LMLN: variants seen among roughly 807,000 people sequenced by gnomAD.
LMLN encodes leishmanolysin like peptidase, also known as leishmanolysin-like peptidase.
LMLN carries 70 observed loss-of-function variants against 92.3 expected under a neutral mutation model. The observed-to-expected ratio is 0.76, with a 90% CI of 0.63 to 0.92. LMLN has a LOEUF of 0.92. Among genes scored for constraint, LMLN ranks in the 40% least tolerant of loss-of-function variants. The pLI, the probability that LMLN is intolerant of heterozygous loss-of-function variation, is 0.00. For synonymous variants in LMLN, 308 were observed against 296.2 expected, an observed-to-expected ratio of 1.04 and a Z score of -0.41; for missense variants, 691 against 814.6, an observed-to-expected ratio of 0.85 and a Z score of 1.85.
chr3:197,986,101 A>C (rs1201969875), intron 8 of LMLN, among the ~76,000 whole-genome samples: 1 of 152,206 alleles, frequency 6.6e-6, no homozygotes, highest in Non-Finnish European at 1.5e-5. Context: ...AGATACCCAC[A>C]CACAAGAACC....
intron 10 of LMLN, among the ~76,000 whole-genome samples, chr3:197,997,754 C>T (rs1380667060): frequency 1.3e-5 from 2 of 152,222 alleles, no homozygotes; most frequent in Non-Finnish European, 2.9e-5. Flanking sequence ...TTATGAATTT[C>T]ACATGAGTTC....
chr3:198,027,899 A>G (rs931802327), intron 14 of LMLN, among the ~76,000 whole-genome samples: 4 of 152,094 alleles, frequency 2.6e-5, no homozygotes, highest in African/African-American at 9.7e-5. Flanking sequence ...TGGCAATTCT[A>G]TGTTTAGCTT....
chr3:198,030,616 T>TG (rs1367070250), intron 14 of LMLN, among the ~76,000 whole-genome samples: 1 of 152,232 alleles, frequency 6.6e-6, no homozygotes, highest in Non-Finnish European at 1.5e-5. Flanking sequence ...ATAATCCTTA[T>TG]GTTGGCAGCA....
At chr3:198,000,941 A>G (rs1345614069) in intron 11 of LMLN, among the ~76,000 whole-genome samples, 1 of 151,756 alleles carries the variant, frequency 6.6e-6, no homozygotes, top group African/African-American at 2.4e-5. Flanking sequence ...TTTAGTTTTT[A>G]GTTTTTAAAG....
chr3:198,008,000 A>AT (rs1030819133), intron 11 of LMLN, among the ~76,000 whole-genome samples: 5 of 152,074 alleles, frequency 3.3e-5, no homozygotes, highest in Admixed American at 1.3e-4. Flanking sequence ...TAATCAAGTG[A>AT]TTTTTTTCGC....
chr3:198,030,282 T>A (rs1402713065), intron 14 of LMLN, among the ~76,000 whole-genome samples: 1 of 152,248 alleles, frequency 6.6e-6, no homozygotes, highest in African/African-American at 2.4e-5. Context: ...TTCCCCATCG[T>A]ACACTTCTTG....
At chr3:197,975,251 G>T (rs1721337309) in intron 3 of LMLN, among the ~76,000 whole-genome samples, 179 bp downstream of exon 3, 2 of 152,134 alleles carry the variant, frequency 1.3e-5, no homozygotes, top group Non-Finnish European at 2.9e-5. Flanking sequence ...AAACTTTGTT[G>T]GTATTGGGCA....
At chr3:197,975,896 A>T (rs1205868366) in intron 3 of LMLN, 133 bp from the exon 4 acceptor site, 1 of 577,398 alleles carries the variant, frequency 1.7e-6, no homozygotes, top group East Asian at 3.0e-5. Context: ...TTGCCATACA[A>T]CCTTGACTAA....
At chr3:198,000,918 AT>A (rs11308966) in intron 11 of LMLN, among the ~76,000 whole-genome samples, 31,641 of 151,358 alleles carry the variant, frequency 0.21, 5,361 homozygotes, top group African/African-American at 0.47. Context: ...TATTTTTATT[AT>A]TTTTTTTTAT....
At chr3:198,021,103 G>T (rs559339352) in intron 12 of LMLN, among the ~76,000 whole-genome samples, 6 of 152,062 alleles carry the variant, frequency 3.9e-5, no homozygotes, top group Non-Finnish European at 5.9e-5. Context: ...TTAAAATGTT[G>T]TAACTTTATG....
chr3:197,990,819 C>T, intron 9 of LMLN, 143 bp downstream of exon 9: 1 of 526,118 alleles, frequency 1.9e-6, no homozygotes, highest in Non-Finnish European at 3.4e-6. Flanking sequence ...TGCAATGAAG[C>T]TACGGGCCAC....
intron 12 of LMLN, among the ~76,000 whole-genome samples, chr3:198,020,766 G>GTTTTTTTT (rs1260852398): frequency 2.0e-4 from 5 of 25,628 alleles, no homozygotes; most frequent in South Asian, 1.1e-3. Context: ...GCTAATTTTT[G>GTTTTTTTT]TATTTTTTTT....
rs1000322224 is a variant in LMLN, at chr3:198,019,858, T to C, written c.1365+473T>C. On this transcript the variant is annotated intron_variant, in intron 12 of 15. Transcript: ENST00000330198. The surrounding 1 kb of genome is among the most constrained non-coding windows in gnomAD (Gnocchi z 5.5). ...TCTGATTTGACCTTTATGTTTCTTT[T>C]TATCTTTTATCTTTTTTTCCGAGAC... 6.6e-6 allele frequency among the ~76,000 whole-genome samples: 1 copy of C among 152,146 alleles called. No individual in the cohort carries two copies. Among genetic ancestry groups the C allele is most frequent in the Non-Finnish European group, 1.5e-5 (1 of 68,032 alleles).
chr3:197,985,171 G>A (rs1581144246), intron 7 of LMLN, among the ~76,000 whole-genome samples: 1 of 152,028 alleles, frequency 6.6e-6, no homozygotes, highest in African/African-American at 2.4e-5. Flanking sequence ...GTCAGTCTTG[G>A]CCACGTATCT....
At chr3:197,965,652 T>C (rs907661699) in intron 1 of LMLN, among the ~76,000 whole-genome samples, 2 of 152,226 alleles carry the variant, frequency 1.3e-5, no homozygotes, top group African/African-American at 4.8e-5. Context: ...CAGTCACTCA[T>C]GCCTATAAGT....
At chr3:197,976,237 C>A in intron 4 of LMLN, 126 bp downstream of exon 4, 1 of 556,586 alleles carries the variant, frequency 1.8e-6, no homozygotes, top group Non-Finnish European at 3.2e-6. Flanking sequence ...AGGGACCTAA[C>A]TGCAAGGTAT....
chr3:197,970,885 AG>A (rs1721204657), intron 1 of LMLN, among the ~76,000 whole-genome samples: 1 of 152,230 alleles, frequency 6.6e-6, no homozygotes, highest in Non-Finnish European at 1.5e-5. Flanking sequence ...CTACAGAAAC[AG>A]GTTACCCTTT....
chr3:197,974,936 G>T, intron 2 of LMLN, 106 bp from the exon 3 acceptor site: 1 of 738,518 alleles, frequency 1.4e-6, no homozygotes, highest in East Asian at 2.6e-5. Context: ...TCCATAGGCA[G>T]AGCAGGCCCA....
At chr3:197,973,892 A>G (rs1033951709) in intron 1 of LMLN, among the ~76,000 whole-genome samples, 4 of 152,250 alleles carry the variant, frequency 2.6e-5, no homozygotes, top group Non-Finnish European at 5.9e-5. Context: ...AAGTGTTGAT[A>G]CTGCTGAGAC....
Sources: gnomAD v4.1 joint callset for allele counts (sites outside exome capture counted in the v4.1 genomes callset) on GRCh38, gnomAD v4.1.1 for gene constraint, Gnocchi (gnomAD v3.1) non-coding constraint, MANE v1.5 for transcripts, NCBI Gene and HGNC (gene_info 2026-07-23, HGNC 2026-07-21) for gene names.